TENM2: variants seen among roughly 807,000 people sequenced by gnomAD.
TENM2 encodes the protein teneurin transmembrane protein 2, also known as teneurin-2.
A neutral mutation model predicts 245.2 loss-of-function variants in TENM2; 52 were observed. The observed-to-expected ratio is 0.21, with a 90% CI of 0.17 to 0.27. TENM2 has a LOEUF of 0.27. TENM2 is among the 10% of genes least tolerant of loss of function. TENM2 has a pLI of 1.00. For synonymous variants in TENM2, 1,363 were observed against 1,438.9 expected (o/e 0.95, Z 1.19); for missense variants, 3,046 against 3,666.8 (o/e 0.83, Z 4.37).
intron 2 of TENM2, among the ~76,000 whole-genome samples, chr5:167,395,823 T>C (rs1762018575): frequency 6.6e-6 from 1 of 152,132 alleles, no homozygotes; most frequent in African/African-American, 2.4e-5. Context: ...CTATAGATAA[T>C]TTTAAGTGAG....
chr5:167,963,928 A>G (rs1045928885), intron 4 of TENM2, among the ~76,000 whole-genome samples: 2 of 152,228 alleles, frequency 1.3e-5, no homozygotes, highest in African/African-American at 4.8e-5. Context: ...AACAATGCAT[A>G]TAAATTTGTA....
intron 1 of TENM2, among the ~76,000 whole-genome samples, chr5:167,330,376 G>A (rs1228378477): frequency 1.3e-5 from 2 of 152,138 alleles, no homozygotes; most frequent in Non-Finnish European, 2.9e-5. Context: ...TATTGGTGAA[G>A]TCTGGATTTG....
At chr5:168,084,927 T>C (rs1269726321) in intron 7 of TENM2, among the ~76,000 whole-genome samples, 5 of 152,208 alleles carry the variant, frequency 3.3e-5, no homozygotes, top group African/African-American at 9.6e-5. Context: ...CTCAGTGGCA[T>C]TGTGAGGGGC....
At chr5:167,541,700 A>G (rs1772223757) in intron 2 of TENM2, among the ~76,000 whole-genome samples, 1 of 152,176 alleles carries the variant, frequency 6.6e-6, no homozygotes, top group African/African-American at 2.4e-5. Flanking sequence ...TGAGGTTTAA[A>G]CCAAAGATAT....
At chr5:167,706,993 C>T (rs1246100465) in intron 2 of TENM2, among the ~76,000 whole-genome samples, 5 of 119,462 alleles carry the variant, frequency 4.2e-5, no homozygotes, top group African/African-American at 1.7e-4. Flanking sequence ...CCATCCTGGG[C>T]GACAGAGTGA....
At chr5:167,628,476 A>G (rs1245174331) in intron 2 of TENM2, among the ~76,000 whole-genome samples, 1 of 152,060 alleles carries the variant, frequency 6.6e-6, no homozygotes, top group Non-Finnish European at 1.5e-5. Flanking sequence ...CTCCTTCTTC[A>G]TGATCAGGGA....
At chr5:168,190,275 T>C in intron 13 of TENM2, 62 bp from the exon 16 acceptor site, 3 of 1,318,430 alleles carry the variant, frequency 2.3e-6, no homozygotes, top group Non-Finnish European at 3.2e-6. Flanking sequence ...AAGGTGTTAG[T>C]GTCTCCAAAC....
intron 2 of TENM2, among the ~76,000 whole-genome samples, chr5:167,403,357 T>C (rs1262096868): frequency 6.6e-6 from 1 of 151,936 alleles, no homozygotes; most frequent in Non-Finnish European, 1.5e-5. Context: ...AGACGAAACA[T>C]AAATCAATGT....
chr5:167,190,380 T>G, the TENM2 span, among the ~76,000 whole-genome samples: 2 of 152,028 alleles, frequency 1.3e-5, no homozygotes. Flanking sequence ...AAGCTTCGCA[T>G]CCCCTCTTCC....
the TENM2 span, among the ~76,000 whole-genome samples, chr5:167,190,072 A>C: frequency 5.9e-5 from 9 of 151,968 alleles, no homozygotes; most frequent in Admixed American, 4.6e-4. Context: ...TATTTGCATG[A>C]TGGGATGTCT....
At chr5:167,171,953 T>C in the TENM2 span, among the ~76,000 whole-genome samples, 6 of 152,286 alleles carry the variant, frequency 3.9e-5, no homozygotes, top group Non-Finnish European at 8.8e-5. Context: ...TTATTTTCAC[T>C]TGGCACTTGG....
At chr5:167,757,416 T>C (rs1323832105) in intron 2 of TENM2, among the ~76,000 whole-genome samples, 1 of 152,220 alleles carries the variant, frequency 6.6e-6, no homozygotes, top group Non-Finnish European at 1.5e-5. Flanking sequence ...GCAAGGGACA[T>C]GAACTCATTC....
chr5:167,154,764 A>G, the TENM2 span, among the ~76,000 whole-genome samples: 5 of 152,188 alleles, frequency 3.3e-5, no homozygotes, highest in East Asian at 5.8e-4. Context: ...GAATTGCCTT[A>G]TTTTTCCTGA....
chr5:167,059,623 A>C, the TENM2 span, among the ~76,000 whole-genome samples: 1 of 150,144 alleles, frequency 6.7e-6, no homozygotes, highest in African/African-American at 2.5e-5. Context: ...TAACCACTGA[A>C]AGCTGGTTAC....
At chr5:167,855,262 C>T (rs1475770659) in intron 2 of TENM2, among the ~76,000 whole-genome samples, 2 of 152,090 alleles carry the variant, frequency 1.3e-5, no homozygotes, top group African/African-American at 2.4e-5. Flanking sequence ...CACCAGGTCC[C>T]GTTCAAATGT....
At chr5:168,128,089 C>T (rs959804299) in intron 12 of TENM2, among the ~76,000 whole-genome samples, 3 of 152,196 alleles carry the variant, frequency 2.0e-5, no homozygotes, top group African/African-American at 4.8e-5. Context: ...ACTCTGTATT[C>T]GATTTCTTCC....
chr5:168,036,434 T>C (rs756544568), intron 5 of TENM2, among the ~76,000 whole-genome samples: 64 of 151,844 alleles, frequency 4.2e-4, no homozygotes, highest in South Asian at 2.5e-3. Context: ...GTCAGGAGTT[T>C]GAGACCAGCC....
exon 3 of TENM2, chr5:167,876,186 T>G: frequency 6.4e-7 from 1 of 1,551,156 alleles, no homozygotes; most frequent in Non-Finnish European, 8.7e-7. Flanking sequence ...CCAGCAAGCC[T>G]CCAGCAGTGG....
At chr5:167,400,418 A>G (rs1429300865) in intron 2 of TENM2, among the ~76,000 whole-genome samples, 2 of 152,092 alleles carry the variant, frequency 1.3e-5, no homozygotes, top group African/African-American at 2.4e-5. Flanking sequence ...TCAATAAATG[A>G]GATGGAGGGT....
Sources: allele counts gnomAD v4.1 joint callset (sites outside exome capture counted in the v4.1 genomes callset), GRCh38; gene constraint gnomAD v4.1.1; transcripts MANE v1.5; gene names NCBI Gene and HGNC (gene_info 2026-07-23, HGNC 2026-07-21).